The following NCKAP5 variants were observed in gnomAD, a reference collection of about 807,000 sequenced individuals.
NCKAP5 encodes NCK associated protein 5, also known as nck-associated protein 5.
NCKAP5 carries 92 observed loss-of-function variants against 167.0 expected under a neutral mutation model. The ratio of observed to expected loss-of-function variants is 0.55; its 90% confidence interval spans 0.47 to 0.66. NCKAP5 has a LOEUF of 0.66. Among genes scored for constraint, NCKAP5 ranks in the 30% least tolerant of loss-of-function variants. The pLI, the probability that NCKAP5 is intolerant of heterozygous loss-of-function variation, is 0.00. For missense variants in NCKAP5, 2,378 were observed against 2,315.0 expected (o/e 1.03, Z -0.56); for synonymous variants, 891 against 877.4 (o/e 1.02, Z -0.27).
rs548927713 is a variant in NCKAP5 at position 133,084,581 on chromosome 2, A to G, written c.341+45397T>C. Among the ~76,000 whole-genome samples, 4 of 152,268 alleles carry G rather than the reference A, an allele frequency of 2.6e-5. No individual in the cohort carries two copies. The East Asian group carries it at 5.8e-4, about 22-fold the overall frequency. ...ACTAAATGTCTTCACCAGGCTCTGA[A>G]TCTCATTCTTGCTTCACTAACCTTA... is the stretch of plus-strand genomic sequence containing the variant. On this transcript the variant is annotated intron_variant, in intron 6 of 19. Coordinates refer to ENST00000409261, the MANE Select transcript of NCKAP5 (RefSeq NM_207363.3).
intron 11 of NCKAP5, among the ~76,000 whole-genome samples, chr2:132,856,882 A>C (rs1689512851): frequency 6.6e-6 from 1 of 152,262 alleles, no homozygotes; most frequent in East Asian, 1.9e-4. Flanking sequence ...TGGAGGCGAA[A>C]GGGGGGACTT....
chr2:133,308,459 C>T (rs900273181), intron 3 of NCKAP5, among the ~76,000 whole-genome samples: 2 of 151,862 alleles, frequency 1.3e-5, no homozygotes, highest in East Asian at 1.9e-4. Context: ...GTATGTACAA[C>T]TGGGGAAAGC....
At chr2:133,407,422 A>G (rs1688504705) in intron 3 of NCKAP5, among the ~76,000 whole-genome samples, 1 of 152,132 alleles carries the variant, frequency 6.6e-6, no homozygotes, top group Non-Finnish European at 1.5e-5. Flanking sequence ...AAAATAATCC[A>G]CTTACCACAG....
chr2:133,634,276 C>T, the NCKAP5 span, among the ~76,000 whole-genome samples: 1 of 152,166 alleles, frequency 6.6e-6, no homozygotes, highest in Admixed American at 6.5e-5. Flanking sequence ...ACAATATTCA[C>T]GGCCCCTTCC....
Position 132,787,453 on chromosome 2 carries a change from C to T in NCKAP5, c.1093-1735G>A, listed in dbSNP as rs551601441. ...ATACCAGTTTTGGCTACATCAGTCT[C>T]CTCCCTGCCCCACACGCTTATGTGC... is the stretch of plus-strand genomic sequence containing the variant. On this transcript the variant is annotated intron_variant, in intron 13 of 19. Coordinates refer to ENST00000409261, the MANE Select transcript of NCKAP5 (RefSeq NM_207363.3). Among the ~76,000 whole-genome samples, 6 of 152,172 alleles carry T rather than the reference C, an allele frequency of 3.9e-5. No individual in the cohort carries two copies. In the South Asian group the frequency reaches 1.2e-3, roughly 32 times the overall value.
intron 19 of NCKAP5, among the ~76,000 whole-genome samples, chr2:132,698,297 A>G (rs1392411546): frequency 6.6e-6 from 1 of 152,196 alleles, no homozygotes; most frequent in African/African-American, 2.4e-5. Context: ...TTAAAAATCA[A>G]AATAGCACCA....
Position 133,094,574 on chromosome 2 carries a change from G to C in NCKAP5, c.341+35404C>G, listed in dbSNP as rs115381869. Among the ~76,000 whole-genome samples, 639 of 152,174 alleles carry C rather than the reference G, an allele frequency of 4.2e-3. 11 individuals carry two copies. The highest frequency in any genetic ancestry group is 0.015 in the African/African-American group (623 of 41,524). On this transcript the variant is annotated intron_variant, in intron 6 of 19. Transcript: ENST00000409261. ...TTGGGTGCTATGTGTTTACATATGT[G>C]GTGGGCGGAATTGTCAAATGCTCCC... is the stretch of plus-strand genomic sequence containing the variant.
chr2:133,420,007 T>C (rs1176745070), intron 3 of NCKAP5, among the ~76,000 whole-genome samples: 3 of 152,212 alleles, frequency 2.0e-5, no homozygotes, highest in African/African-American at 7.2e-5. Context: ...GTGATGACCA[T>C]GTTGACATTT....
chr2:133,166,100 A>AG (rs755025540), intron 5 of NCKAP5, among the ~76,000 whole-genome samples: 25 of 152,188 alleles, frequency 1.6e-4, no homozygotes, highest in Non-Finnish European at 2.9e-4. Flanking sequence ...GAATGGGGTG[A>AG]GGTCCATCAG....
At chr2:133,411,440 G>A (rs1688767083) in intron 3 of NCKAP5, among the ~76,000 whole-genome samples, 1 of 152,226 alleles carries the variant, frequency 6.6e-6, no homozygotes, top group Non-Finnish European at 1.5e-5. Flanking sequence ...TGGAAGCTGT[G>A]TGGGATGAGG....
At chr2:133,221,573 T>C (rs374967060) in intron 4 of NCKAP5, among the ~76,000 whole-genome samples, 1 of 152,206 alleles carries the variant, frequency 6.6e-6, no homozygotes, top group African/African-American at 2.4e-5. Context: ...TCAGGATTGA[T>C]AGACAGAGAA....
At chr2:132,716,621 C>T (rs1462962397) in intron 19 of NCKAP5, among the ~76,000 whole-genome samples, 2 of 151,932 alleles carry the variant, frequency 1.3e-5, no homozygotes, top group Non-Finnish European at 2.9e-5. Context: ...AGGGAATGTC[C>T]ATCAAAGGGT....
intron 16 of NCKAP5, among the ~76,000 whole-genome samples, chr2:132,769,943 G>A (rs1681876041): frequency 6.6e-6 from 1 of 152,206 alleles, no homozygotes; most frequent in Non-Finnish European, 1.5e-5. Flanking sequence ...TAGATACAAT[G>A]AGCCAATATT....
chr2:133,010,067 T>C (rs997777578), intron 6 of NCKAP5, among the ~76,000 whole-genome samples: 47 of 121,608 alleles, frequency 3.9e-4, no homozygotes, highest in African/African-American at 1.3e-3. Flanking sequence ...CCAGATTCTG[T>C]CTCAAAAAAA....
At chr2:133,343,526 T>C (rs1054437097) in intron 3 of NCKAP5, among the ~76,000 whole-genome samples, 23 of 152,184 alleles carry the variant, frequency 1.5e-4, no homozygotes, top group African/African-American at 5.1e-4. Context: ...AATTCTACTC[T>C]TCAAAAAATT....
intron 19 of NCKAP5, among the ~76,000 whole-genome samples, chr2:132,687,071 C>T (rs1686040196): frequency 6.6e-6 from 1 of 152,194 alleles, no homozygotes; most frequent in African/African-American, 2.4e-5. Context: ...AAAATCCTCA[C>T]TATAAACAAA....
chr2:133,230,517 A>G (rs1166048076), intron 4 of NCKAP5, among the ~76,000 whole-genome samples: 1 of 152,144 alleles, frequency 6.6e-6, no homozygotes, highest in African/African-American at 2.4e-5. Context: ...CTGGTTCTCA[A>G]ATCCTTTTGA....
chr2:133,112,177 TA>T (rs1439536462), intron 6 of NCKAP5, among the ~76,000 whole-genome samples: 2 of 152,124 alleles, frequency 1.3e-5, no homozygotes, highest in African/African-American at 4.8e-5. Flanking sequence ...TATTCATCTT[TA>T]AAATAGGTAT....
the NCKAP5 span, among the ~76,000 whole-genome samples, chr2:133,607,226 T>G: frequency 6.6e-6 from 1 of 152,202 alleles, no homozygotes; most frequent in East Asian, 1.9e-4. Context: ...CAGGTTGCCT[T>G]TTTTAGAAAA....
Sources: gnomAD v4.1 joint callset for allele counts (sites outside exome capture counted in the v4.1 genomes callset) on GRCh38, gnomAD v4.1.1 for gene constraint, MANE v1.5 for transcripts, NCBI Gene and HGNC (gene_info 2026-07-23, HGNC 2026-07-21) for gene names.